Variants in SSH2 observed in about 807,000 individuals in gnomAD.
SSH2 encodes the protein slingshot protein phosphatase 2, also known as protein phosphatase Slingshot homolog 2.
Under a neutral mutation model 135.2 loss-of-function variants are expected in SSH2, and 37 were observed. The observed-to-expected ratio is 0.27, with a 90% CI of 0.21 to 0.36. SSH2 has a LOEUF of 0.36. SSH2 is among the 10% of genes least tolerant of loss of function. SSH2 has a pLI of 1.00. For missense variants in SSH2, 1,408 were observed against 1,765.3 expected (o/e 0.80, Z 3.63); for synonymous variants, 628 against 646.2 (o/e 0.97, Z 0.43).
At chr17:29,747,264 T>C (rs1050989503) in intron 3 of SSH2, among the ~76,000 whole-genome samples, 2 of 152,196 alleles carry the variant, frequency 1.3e-5, no homozygotes, top group Non-Finnish European at 2.9e-5. Flanking sequence ...GAAACCTAAA[T>C]TGTTACAACT....
intron 1 of SSH2, among the ~76,000 whole-genome samples, chr17:29,912,319 T>C (rs73987170): frequency 0.019 from 2,851 of 152,338 alleles, 91 homozygotes; most frequent in African/African-American, 0.065. Context: ...TCCTAGACTA[T>C]ATGTATCTTC....
rs762469394 is a variant in SSH2, at chr17:29,648,259, A to T, written c.1312T>A (p.Tyr438Asn). Residue 438 changes from tyrosine to asparagine, a missense_variant, in exon 14 of 16, where the codon TAT (tyrosine) becomes AAT (asparagine). Transcript: ENST00000540801. ...TAGGCTCGGTCCAGATTCCAGCCAT[A>T]TTCCTTCATTGCATAGGCAATCACG... ...STVIAYAMKE[Y>N]GWNLDRAYDY... The T allele has an allele frequency of 6.2e-7, 1 of 1,614,196 alleles. No homozygotes were observed. The highest frequency in any genetic ancestry group is 8.5e-7 in the Non-Finnish European group (1 of 1,180,046).
At chr17:29,672,750 C>G (rs2037544540) in intron 8 of SSH2, among the ~76,000 whole-genome samples, 1 of 152,196 alleles carries the variant, frequency 6.6e-6, no homozygotes, top group African/African-American at 2.4e-5. Flanking sequence ...GTCACAGAGG[C>G]TGGAGTGCAG....
intron 1 of SSH2, among the ~76,000 whole-genome samples, chr17:29,912,171 A>G (rs2066777169): frequency 6.6e-6 from 1 of 152,208 alleles, no homozygotes; most frequent in Non-Finnish European, 1.5e-5. Context: ...TGCAACAAAT[A>G]TGGATGTACT....
At chr17:29,678,932 C>G (rs1414721820) in intron 6 of SSH2, among the ~76,000 whole-genome samples, 1 of 151,946 alleles carries the variant, frequency 6.6e-6, no homozygotes, top group Non-Finnish European at 1.5e-5. Flanking sequence ...CTAGGCTGGT[C>G]TCAAACTCCT....
At chr17:29,744,207 C>T (rs1456788553) in intron 3 of SSH2, among the ~76,000 whole-genome samples, 1 of 152,008 alleles carries the variant, frequency 6.6e-6, no homozygotes, top group East Asian at 1.9e-4. Flanking sequence ...GGGTGAGGGG[C>T]CAGGTGGGCC....
At chr17:29,788,521 C>T (rs151271001) in intron 3 of SSH2, among the ~76,000 whole-genome samples, 1 of 152,266 alleles carries the variant, frequency 6.6e-6, no homozygotes, top group Non-Finnish European at 1.5e-5. Context: ...TGGGACTTCT[C>T]AGCCTCAATA....
intron 2 of SSH2, among the ~76,000 whole-genome samples, chr17:29,806,411 T>C (rs1462379849): frequency 6.6e-6 from 1 of 152,224 alleles, no homozygotes; most frequent in Non-Finnish European, 1.5e-5. Flanking sequence ...GTTGCTCCTC[T>C]TGTGTTAAAG....
intron 14 of SSH2, among the ~76,000 whole-genome samples, chr17:29,640,214 G>T (rs2036094509): frequency 6.6e-6 from 1 of 152,008 alleles, no homozygotes; most frequent in African/African-American, 2.4e-5. Flanking sequence ...GAGTAGCTGG[G>T]ACTACAGGCA....
At chr17:29,644,424 T>C (rs936529471) in intron 14 of SSH2, among the ~76,000 whole-genome samples, 1 of 152,216 alleles carries the variant, frequency 6.6e-6, no homozygotes, top group African/African-American at 2.4e-5. Flanking sequence ...TCCTCTCTTT[T>C]TGGGTCTAGG....
chr17:29,890,947 G>C (rs1041577313), intron 1 of SSH2, among the ~76,000 whole-genome samples: 1 of 151,994 alleles, frequency 6.6e-6, no homozygotes, highest in Non-Finnish European at 1.5e-5. Context: ...GTAGAGACGG[G>C]GTTTCATCAT....
chr17:29,827,129 A>C (rs989768567), intron 2 of SSH2, among the ~76,000 whole-genome samples: 2 of 152,216 alleles, frequency 1.3e-5, no homozygotes, highest in African/African-American at 4.8e-5. Context: ...TAGGGAACAC[A>C]TATGGGTAAA....
chr17:29,771,666 G>C (rs530695754), intron 3 of SSH2, among the ~76,000 whole-genome samples: 8 of 151,704 alleles, frequency 5.3e-5, no homozygotes, highest in African/African-American at 1.9e-4. Flanking sequence ...AGTAGGTAAG[G>C]GTTTTATTTT....
chr17:29,695,687 GAC>G (rs2038698190), intron 4 of SSH2, among the ~76,000 whole-genome samples, 164 bp from the exon 5 acceptor site: 2 of 152,190 alleles, frequency 1.3e-5, no homozygotes, highest in Admixed American at 6.5e-5. Flanking sequence ...AAAATGGAAA[GAC>G]AGACTGCTAG....
chr17:29,791,013 C>T (rs2151301302), intron 3 of SSH2, among the ~76,000 whole-genome samples: 1 of 152,156 alleles, frequency 6.6e-6, no homozygotes, highest in Non-Finnish European at 1.5e-5. Flanking sequence ...CAGGTGTGAG[C>T]CACTGCACCT....
At chr17:29,818,301 T>A (rs1315058588) in intron 2 of SSH2, among the ~76,000 whole-genome samples, 1 of 151,656 alleles carries the variant, frequency 6.6e-6, no homozygotes, top group Non-Finnish European at 1.5e-5. Context: ...CAGGCTGAAG[T>A]GCAGTTGCGT....
At chr17:29,905,091 T>C (rs576519489) in intron 1 of SSH2, among the ~76,000 whole-genome samples, 1 of 152,234 alleles carries the variant, frequency 6.6e-6, no homozygotes, top group East Asian at 1.9e-4. Context: ...ATAGATTCAA[T>C]GCTACACCCA....
chr17:29,632,108 G>C lies in SSH2; in HGVS notation c.3086C>G (p.Pro1029Arg), dbSNP rs1193396538. The change falls in exon 16 of 16, where the codon CCT (proline) becomes CGT (arginine). Residue 1029 changes from proline (P) to arginine (R), a missense_variant. This residue lies in a region of SSH2 where 1,080 missense variants were observed against 1,144.5 expected (regional missense o/e 0.94). Coordinates refer to ENST00000540801, the MANE Select transcript of SSH2 (RefSeq NM_001282129.2). ...PYQESETQAVPLPLPKRVEII... is the reference protein window; with the variant it reads ...PYQESETQAVRLPLPKRVEII... ...TTCTACCCTCTTGGGAAGGGGAAGAGGGACTGCTTGTGTTTCAGACTCCTG... is the reference window on the plus strand; with the variant it reads ...TTCTACCCTCTTGGGAAGGGGAAGACGGACTGCTTGTGTTTCAGACTCCTG... 6.2e-7 allele frequency: 1 copy of C among 1,614,050 alleles called. No individual in the cohort carries two copies. The highest frequency in any genetic ancestry group is 1.3e-5 in the African/African-American group (1 of 74,922).
intron 2 of SSH2, among the ~76,000 whole-genome samples, chr17:29,843,308 G>T (rs1170296457): frequency 6.6e-6 from 1 of 152,264 alleles, no homozygotes; most frequent in Admixed American, 6.5e-5. Flanking sequence ...GCTGAGGTGG[G>T]CAGATCACTT....
Sources: allele counts gnomAD v4.1 joint callset (sites outside exome capture counted in the v4.1 genomes callset), GRCh38; gene constraint gnomAD v4.1.1; regional missense constraint gnomAD v4.1.1; transcripts MANE v1.5; gene names NCBI Gene and HGNC (gene_info 2026-07-23, HGNC 2026-07-21).